NTRK3: variants seen among roughly 807,000 people sequenced by gnomAD.
The protein encoded by NTRK3 is neurotrophic receptor tyrosine kinase 3, also known as NT-3 growth factor receptor.
A neutral mutation model predicts 91.7 loss-of-function variants in NTRK3; 24 were observed. The ratio of observed to expected loss-of-function variants is 0.26; its 90% CI spans 0.19 to 0.37. The LOEUF (loss-of-function observed/expected upper bound fraction) is 0.37, where lower values mean the gene tolerates loss of function less well. NTRK3 is among the 10% of genes least tolerant of loss of function. NTRK3 has a pLI of 1.00. For synonymous variants in NTRK3, 483 were observed against 404.0 expected, an observed-to-expected ratio of 1.20 and a Z score of -2.34; for missense variants, 880 against 1,068.9, an observed-to-expected ratio of 0.82 and a Z score of 2.46.
exon 19 of NTRK3, chr15:87,863,336 T>A (rs1378015662): frequency 1.3e-5 from 3 of 226,570 alleles, no homozygotes; most frequent in Non-Finnish European, 1.8e-5. Flanking sequence ...GGGAGGTCAA[T>A]CAGGATAGCG....
chr15:88,040,035 G>A (rs1198900670), intron 13 of NTRK3, among the ~76,000 whole-genome samples: 1 of 152,196 alleles, frequency 6.6e-6, no homozygotes, highest in African/African-American at 2.4e-5. Context: ...GCATGCCAGG[G>A]CAAATATTTA....
intron 3 of NTRK3, among the ~76,000 whole-genome samples, chr15:88,208,465 T>C (rs556381690): frequency 2.0e-5 from 3 of 152,322 alleles, no homozygotes; most frequent in South Asian, 2.1e-4. Context: ...ATAAAGTGCA[T>C]GCAAACCACC....
chr15:87,918,341 C>T (rs892167688), intron 17 of NTRK3, among the ~76,000 whole-genome samples: 1 of 152,220 alleles, frequency 6.6e-6, no homozygotes, highest in Non-Finnish European at 1.5e-5. Flanking sequence ...AATAGTTGGC[C>T]TTTCAAAAGC....
intron 13 of NTRK3, among the ~76,000 whole-genome samples, chr15:88,050,507 GT>G (rs2080724291): frequency 2.6e-5 from 3 of 116,490 alleles, no homozygotes; most frequent in African/African-American, 1.2e-4. Context: ...GTGTGTGTGT[GT>G]GTGTGTGTAT....
chr15:87,977,463 G>C, intron 14 of NTRK3: 1 of 218,896 alleles, frequency 4.6e-6, no homozygotes, highest in Non-Finnish European at 9.2e-6. Context: ...CACAAGGTGA[G>C]GAAAATGGCA....
At chr15:88,143,849 A>G (rs554876926) in intron 6 of NTRK3, 3 of 152,340 alleles carry the variant, frequency 2.0e-5, no homozygotes, top group Admixed American at 1.3e-4. Context: ...TCTTCAAATG[A>G]TACTAGAGGT....
chr15:88,152,548 T>C (rs574362932), intron 5 of NTRK3, among the ~76,000 whole-genome samples: 60 of 152,324 alleles, frequency 3.9e-4, no homozygotes, highest in African/African-American at 1.4e-3. Context: ...AAATGAGCCC[T>C]GCCAATGACA....
At chr15:88,089,553 T>C (rs1484570307) in intron 13 of NTRK3, among the ~76,000 whole-genome samples, 3 of 152,202 alleles carry the variant, frequency 2.0e-5, no homozygotes, top group Non-Finnish European at 2.9e-5. Flanking sequence ...ATGGGGGAAA[T>C]GTCTATGACA....
intron 14 of NTRK3, among the ~76,000 whole-genome samples, chr15:88,031,998 G>C (rs2078580133): frequency 6.6e-6 from 1 of 152,164 alleles, no homozygotes; most frequent in Admixed American, 6.5e-5. Context: ...GATCACTTCT[G>C]TCCTTCCAGC....
chr15:87,916,334 C>T, intron 17 of NTRK3: 1 of 404,198 alleles, frequency 2.5e-6, no homozygotes, highest in Non-Finnish European at 4.4e-6. Context: ...GCCTTTTGCA[C>T]TTGAGGAAGG....
intron 3 of NTRK3, among the ~76,000 whole-genome samples, chr15:88,185,268 C>T (rs1156506967): frequency 6.6e-6 from 1 of 152,200 alleles, no homozygotes; most frequent in African/African-American, 2.4e-5. Flanking sequence ...TTTTTATCAA[C>T]AGACACAAAC....
At chr15:88,040,966 G>T (rs2079551266) in intron 13 of NTRK3, among the ~76,000 whole-genome samples, 1 of 152,222 alleles carries the variant, frequency 6.6e-6, no homozygotes. Flanking sequence ...TAGTCAGGAA[G>T]TGGTGGAACC....
chr15:87,902,830 G>A (rs1369944475), intron 17 of NTRK3, among the ~76,000 whole-genome samples: 1 of 152,112 alleles, frequency 6.6e-6, no homozygotes, highest in African/African-American at 2.4e-5. Flanking sequence ...GATTCAGAGA[G>A]ATCCCAGAGG....
At chr15:88,134,482 C>A (rs2041684349) in intron 10 of NTRK3, among the ~76,000 whole-genome samples, 1 of 152,188 alleles carries the variant, frequency 6.6e-6, no homozygotes, top group Non-Finnish European at 1.5e-5. Context: ...CACAGTAGCT[C>A]ACCATGGAAC....
intron 3 of NTRK3, among the ~76,000 whole-genome samples, chr15:88,188,030 G>T (rs942577553): frequency 6.6e-6 from 1 of 152,146 alleles, no homozygotes; most frequent in African/African-American, 2.4e-5. Context: ...CCCTGTTCCA[G>T]GACCACAGGC....
Position 88,235,657 on chromosome 15 carries a change from G to A in NTRK3, c.248+20249C>T, listed in dbSNP as rs1293822672. Among the ~76,000 whole-genome samples the A allele has an allele frequency of 6.6e-6, 1 of 152,208 alleles. No individual in the cohort carries two copies. Among genetic ancestry groups the A allele is most frequent in the Non-Finnish European group, 1.5e-5 (1 of 68,032 alleles). The stretch of plus-strand genomic sequence containing the variant: ...TGCCCACCAGGCCCTGGCTTCCACA[G>A]TGTCACAGAGAAGAAGGGAGCTCTG... On this transcript the variant is annotated intron_variant, in intron 3 of 18. Coordinates refer to ENST00000394480, the Ensembl canonical transcript of NTRK3. The surrounding 1 kb of genome is among the most constrained non-coding windows in gnomAD (Gnocchi z 5.2).
intron 13 of NTRK3, among the ~76,000 whole-genome samples, chr15:88,083,179 G>A (rs2048207644): frequency 6.6e-6 from 1 of 152,112 alleles, no homozygotes; most frequent in Non-Finnish European, 1.5e-5. Flanking sequence ...CTCCACCCCT[G>A]CACGGTCCTC....
chr15:87,980,378 T>C (rs1390020309), intron 14 of NTRK3, among the ~76,000 whole-genome samples: 1 of 152,122 alleles, frequency 6.6e-6, no homozygotes, highest in Non-Finnish European at 1.5e-5. Flanking sequence ...CATGTGTGTA[T>C]CTGTTTGCAT....
chr15:87,947,451 AGT>A (rs1468700787), intron 14 of NTRK3, among the ~76,000 whole-genome samples: 1 of 152,152 alleles, frequency 6.6e-6, no homozygotes, highest in Non-Finnish European at 1.5e-5. Context: ...GTAAAGAGAG[AGT>A]GTGTCACTTT....
Sources: gnomAD v4.1 joint callset for allele counts (sites outside exome capture counted in the v4.1 genomes callset) on GRCh38, gnomAD v4.1.1 for gene constraint, Gnocchi (gnomAD v3.1) non-coding constraint, MANE v1.5 for transcripts, NCBI Gene and HGNC (gene_info 2026-07-23, HGNC 2026-07-21) for gene names.